Variants in SEC14L2 observed in about 807,000 individuals in gnomAD.
The protein encoded by SEC14L2 is SEC14 like lipid binding 2.
Under a neutral mutation model 56.9 loss-of-function variants are expected in SEC14L2, and 50 were observed. The ratio of observed to expected loss-of-function variants is 0.88; its 90% CI spans 0.70 to 1.11. The LOEUF (loss-of-function observed/expected upper bound fraction) is 1.11, where lower values mean the gene tolerates loss of function less well. SEC14L2 is among the 50% of genes most tolerant of loss of function. The pLI, the probability that SEC14L2 is intolerant of heterozygous loss-of-function variation, is 0.00. For synonymous variants in SEC14L2, 179 were observed against 188.5 expected (o/e 0.95, Z 0.41); for missense variants, 414 against 500.7 (o/e 0.83, Z 1.65).
Position 30,423,347 on chromosome 22 carries a change from C to G in SEC14L2, c.*940C>G, listed in dbSNP as rs1934572123. On this transcript the variant is annotated 3_prime_UTR_variant, in exon 12 of 12. Coordinates refer to ENST00000615189, the MANE Select transcript of SEC14L2 (RefSeq NM_012429.5). Reference sequence around the variant, plus strand: ...TGAGTGTCCCGCGGTGCCCGCCAACCCGCTTCCTGACTGACCTGAGCAAGG... The same window carrying G: ...TGAGTGTCCCGCGGTGCCCGCCAACGCGCTTCCTGACTGACCTGAGCAAGG... The G allele has an allele frequency of 6.5e-6, 1 of 152,812 alleles. No homozygotes were observed. Among genetic ancestry groups the G allele is most frequent in the South Asian group, 2.1e-4 (1 of 4,824 alleles). 9.5% of individuals were successfully genotyped at this position (152,812 alleles called of 1,614,324 possible). A position where few individuals can be genotyped will look rare whatever the true frequency, so the allele number is the denominator to read the frequency against.
At chr22:30,416,853 A>T (rs1934403951) in intron 11 of SEC14L2, 5 of 1,065,604 alleles carry the variant, frequency 4.7e-6, no homozygotes, top group Non-Finnish European at 5.7e-6. Context: ...CTGACCAAAG[A>T]ATGGACACAG....
chr22:30,405,607 T>C (rs1250362526), intron 2 of SEC14L2, among the ~76,000 whole-genome samples: 1 of 152,184 alleles, frequency 6.6e-6, no homozygotes, highest in Non-Finnish European at 1.5e-5. Context: ...TGGAGGCTCA[T>C]CAACCCCTCT....
intron 1 of SEC14L2, 24 bp from the exon 2 acceptor site, chr22:30,399,619 T>C (rs1332447744): frequency 6.5e-7 from 1 of 1,534,460 alleles, no homozygotes; most frequent in Non-Finnish European, 8.9e-7. Context: ...GCCCTACCAC[T>C]CACCCCGATG....
chr22:30,413,944 T>G (rs1055492907), intron 8 of SEC14L2, among the ~76,000 whole-genome samples: 11 of 152,048 alleles, frequency 7.2e-5, no homozygotes, highest in African/African-American at 2.4e-4. Flanking sequence ...GCTCAAATGA[T>G]CATCCCACCT....
At chr22:30,402,668 A>G (rs1409844110) in intron 2 of SEC14L2, among the ~76,000 whole-genome samples, 4 of 151,496 alleles carry the variant, frequency 2.6e-5, no homozygotes, top group Non-Finnish European at 5.9e-5. Flanking sequence ...TCTCCTCTGC[A>G]TTTCATTTGT....
At chr22:30,399,304 CAGG>C (rs1933850973) in intron 1 of SEC14L2, among the ~76,000 whole-genome samples, 3 of 151,998 alleles carry the variant, frequency 2.0e-5, no homozygotes, top group Admixed American at 1.3e-4. Flanking sequence ...AGGACGAGGT[CAGG>C]AGATCAAGAC....
rs1165696617 is a variant in SEC14L2, at chr22:30,407,558, G to C, written c.378G>C (p.Arg126=). Residue 126 remains arginine, a synonymous_variant, in exon 5 of 12, where the codon CGG becomes CGC. Transcript: ENST00000615189. The part of the protein sequence containing the change: ...SKQDLLRTKM[R]ECELLLQECA... Reference sequence around the variant, plus strand: ...AGGACCTGCTGAGGACCAAGATGCGGGAGTGTGAGCTGCTTCTGCAAGAGT... The same window carrying C: ...AGGACCTGCTGAGGACCAAGATGCGCGAGTGTGAGCTGCTTCTGCAAGAGT... The C allele has an allele frequency of 6.2e-7, 1 of 1,613,950 alleles. No individual in the cohort carries two copies. Among genetic ancestry groups the C allele is most frequent in the African/African-American group, 1.3e-5 (1 of 74,892 alleles).
chr22:30,411,514 G>A (rs1203797432), intron 8 of SEC14L2, among the ~76,000 whole-genome samples: 1 of 152,050 alleles, frequency 6.6e-6, no homozygotes, highest in Non-Finnish European at 1.5e-5. Flanking sequence ...GGGAGGCCGA[G>A]GTAGGCGGAT....
chr22:30,419,752 C>A (rs564012543), intron 11 of SEC14L2, among the ~76,000 whole-genome samples: 2 of 152,070 alleles, frequency 1.3e-5, no homozygotes, highest in Non-Finnish European at 2.9e-5. Context: ...ATCCTACCTA[C>A]ACATGTAATT....
At chr22:30,418,552 C>T (rs1432921309) in intron 11 of SEC14L2, among the ~76,000 whole-genome samples, 1 of 152,186 alleles carries the variant, frequency 6.6e-6, no homozygotes, top group African/African-American at 2.4e-5. Context: ...GGCTTGCAAA[C>T]CCCCAAATTT....
At chr22:30,420,403 C>T (rs1934486336) in intron 11 of SEC14L2, 1 of 152,252 alleles carries the variant, frequency 6.6e-6, no homozygotes. Flanking sequence ...GACTCCACTT[C>T]CCTCTGGCCT....
chr22:30,424,680 G>T lies in SEC14L2; in HGVS notation c.*2273G>T, dbSNP rs1414162359. On this transcript the variant is annotated 3_prime_UTR_variant, in exon 12 of 12. Coordinates refer to ENST00000615189, the MANE Select transcript of SEC14L2 (RefSeq NM_012429.5). ...CATTTTTTTTGCAGACGTGGGAACT[G>T]GGGCTCAGGGAGGCTAACAGCCAGT... is the stretch of plus-strand genomic sequence containing the variant. 1 of 456,220 alleles carries T rather than the reference G, an allele frequency of 2.2e-6. No homozygotes were observed. The highest frequency in any genetic ancestry group is 4.4e-6 in the Non-Finnish European group (1 of 226,850). The allele number at this position is 456,220 out of a possible 1,614,324, so 28.3% of individuals were successfully genotyped here.
chr22:30,407,705 G>A, intron 5 of SEC14L2, 102 bp downstream of exon 5: 1 of 1,002,484 alleles, frequency 1.0e-6, no homozygotes, highest in African/African-American at 1.7e-5. Flanking sequence ...TCAGGGCCAA[G>A]GCCCAGCCTT....
chr22:30,422,595 A>G lies in SEC14L2; in HGVS notation c.*188A>G, dbSNP rs1934549869. The G allele has an allele frequency of 1.6e-6, 1 of 629,434 alleles. No individual in the cohort carries two copies. Among genetic ancestry groups the G allele is most frequent in the South Asian group, 2.1e-5 (1 of 47,292 alleles). 39.0% of individuals were successfully genotyped at this position (629,434 alleles called of 1,614,324 possible). ...GGGTCTCCGTGTCTATCAAATACCT[A>G]AGGAGTCCCCAGGAGCTGGCTGGCC... is the stretch of plus-strand genomic sequence containing the variant. On this transcript the variant is annotated 3_prime_UTR_variant, in exon 12 of 12. Transcript: ENST00000615189.
In SEC14L2 at chr22:30,411,763, G is replaced by C. The variant is rs1468100657; in HGVS notation, c.664+1084G>C. 1.0e-4 allele frequency among the ~76,000 whole-genome samples: 5 copies of C among 47,892 alleles called. No individual in the cohort carries two copies. The East Asian group carries it at 4.4e-3, about 42-fold the overall frequency. The allele number at this position is 47,892 out of a possible 152,430, so 31.4% of individuals were successfully genotyped here. A position where few individuals can be genotyped will look rare whatever the true frequency, so the allele number is the denominator to read the frequency against. ...GTCTCAAAAAAAAAAAAAAAAAAAG[G>C]GGTCCCTTGAAGGTCTTTTGGCCTC... is the stretch of plus-strand genomic sequence containing the variant. On this transcript the variant is annotated intron_variant, in intron 8 of 11. Transcript: ENST00000615189.
At chr22:30,408,589 A>T (rs1447005901) in intron 5 of SEC14L2, among the ~76,000 whole-genome samples, 1 of 152,218 alleles carries the variant, frequency 6.6e-6, no homozygotes, top group Non-Finnish European at 1.5e-5. Context: ...TGCGCCAAAA[A>T]AAATAAGGAT....
chr22:30,424,022 C>T lies in SEC14L2; in HGVS notation c.*1615C>T. 6.6e-6 allele frequency: 1 copy of T among 152,308 alleles called. No individual in the cohort carries two copies. 9.4% of individuals were successfully genotyped at this position (152,308 alleles called of 1,614,324 possible). On this transcript the variant is annotated 3_prime_UTR_variant, in exon 12 of 12. Transcript: ENST00000615189. ...TTCCCAAGGGGCCACGCCCAGCTTG[C>T]CTTCTGATTGGTCCAGCTGGTGGGT...
At chr22:30,398,267 G>A (rs1933816384) in intron 1 of SEC14L2, among the ~76,000 whole-genome samples, 1 of 152,238 alleles carries the variant, frequency 6.6e-6, no homozygotes, top group Non-Finnish European at 1.5e-5. Flanking sequence ...CCAGGGGCTG[G>A]TTAGGGTCCT....
At chr22:30,407,712 C>A (rs62228969) in intron 5 of SEC14L2, 109 bp downstream of exon 5, 6 of 881,480 alleles carry the variant, frequency 6.8e-6, no homozygotes, top group Admixed American at 3.6e-5. Flanking sequence ...CAAGGCCCAG[C>A]CTTTTTTTTT....
Sources: gnomAD v4.1 joint callset for allele counts (sites outside exome capture counted in the v4.1 genomes callset) on GRCh38, gnomAD v4.1.1 for gene constraint, MANE v1.5 for transcripts, NCBI Gene and HGNC (gene_info 2026-07-23, HGNC 2026-07-21) for gene names.